The following DIP2C variants were observed in gnomAD, a reference collection of about 807,000 sequenced individuals.
The protein encoded by DIP2C is disco-interacting protein 2 homolog C.
In DIP2C, 33 loss-of-function variants were observed where a neutral mutation model predicts 192.4. That is an observed-to-expected ratio of 0.17 (90% CI 0.13 to 0.23). The LOEUF is 0.23. DIP2C is among the 10% of genes least tolerant of loss of function. The pLI is 1.00. For missense variants in DIP2C, 1,537 were observed against 2,110.1 expected (o/e 0.73, Z 5.32); for synonymous variants, 979 against 864.1 (o/e 1.13, Z -2.33).
At chr10:280,977 T>G (rs1411449972) in intron 36 of DIP2C, among the ~76,000 whole-genome samples, 1 of 152,216 alleles carries the variant, frequency 6.6e-6, no homozygotes, top group African/African-American at 2.4e-5. Flanking sequence ...TTCACGGCAA[T>G]AGAAGTCTAT....
chr10:476,511 G>A (rs1297157217), intron 2 of DIP2C, among the ~76,000 whole-genome samples: 1 of 152,224 alleles, frequency 6.6e-6, no homozygotes, highest in African/African-American at 2.4e-5. Flanking sequence ...CACCAAGCCA[G>A]GACTATTACT....
intron 4 of DIP2C, among the ~76,000 whole-genome samples, chr10:430,049 T>C (rs1966842757): frequency 6.6e-6 from 1 of 152,174 alleles, no homozygotes. Flanking sequence ...TCATAGGCTG[T>C]GGTGTTGCTA....
chr10:482,426 C>T (rs58992694), intron 2 of DIP2C, among the ~76,000 whole-genome samples: 21,551 of 152,082 alleles, frequency 0.14, 3,706 homozygotes, highest in African/African-American at 0.41. Context: ...ACACTGACCA[C>T]GGATACCTCT....
At chr10:553,250 G>A (rs2130954827) in intron 1 of DIP2C, among the ~76,000 whole-genome samples, 1 of 152,298 alleles carries the variant, frequency 6.6e-6, no homozygotes, top group South Asian at 2.1e-4. Flanking sequence ...AGCAGTGCTG[G>A]CTGAATTCAT....
At chr10:455,335 G>GAGTAAATGAGATGAAAACACTGC (rs1969206575) in intron 3 of DIP2C, among the ~76,000 whole-genome samples, 1 of 142,640 alleles carries the variant, frequency 7.0e-6, no homozygotes, top group African/African-American at 2.6e-5. Flanking sequence ...AGACCGTGAG[G>GAGTAAATGAGATGAAAACACTGC]AATAAATGAG....
At chr10:526,996 G>A (rs1847093023) in intron 1 of DIP2C, among the ~76,000 whole-genome samples, 1 of 152,166 alleles carries the variant, frequency 6.6e-6, no homozygotes, top group Non-Finnish European at 1.5e-5. Context: ...TCAGTAGGTG[G>A]AGGCGGACAG....
chr10:543,021 C>G (rs376691555), intron 1 of DIP2C, among the ~76,000 whole-genome samples: 1 of 152,224 alleles, frequency 6.6e-6, no homozygotes, highest in African/African-American at 2.4e-5. Flanking sequence ...TGAGTGATGA[C>G]GATGACACCA....
intron 1 of DIP2C, among the ~76,000 whole-genome samples, chr10:545,322 A>T (rs1848229091): frequency 6.6e-6 from 1 of 151,802 alleles, no homozygotes; most frequent in Admixed American, 6.6e-5. Context: ...ACCTGCCACA[A>T]CGCCCAGGTA....
intron 3 of DIP2C, among the ~76,000 whole-genome samples, chr10:448,475 T>C (rs1460061924): frequency 7.1e-6 from 1 of 141,472 alleles, no homozygotes. Flanking sequence ...TCCCCGTCTA[T>C]ACTCAGGATC....
intron 1 of DIP2C, among the ~76,000 whole-genome samples, chr10:505,218 G>A (rs1283688134): frequency 2.0e-5 from 3 of 151,982 alleles, no homozygotes; most frequent in East Asian, 1.9e-4. Flanking sequence ...ACTAATAACC[G>A]GCACCTCATC....
intron 4 of DIP2C, among the ~76,000 whole-genome samples, chr10:438,446 C>T (rs1967452745): frequency 6.6e-6 from 1 of 152,064 alleles, no homozygotes; most frequent in East Asian, 1.9e-4. Context: ...ATTTTTTTAC[C>T]ATAAGTTTTG....
At chr10:417,350 G>T (rs1965710614) in intron 6 of DIP2C, among the ~76,000 whole-genome samples, 1 of 152,096 alleles carries the variant, frequency 6.6e-6, no homozygotes, top group East Asian at 1.9e-4. Context: ...TTTACCTGGG[G>T]AACAAAGGCA....
intron 1 of DIP2C, among the ~76,000 whole-genome samples, chr10:526,344 A>G (rs1847048846): frequency 6.6e-6 from 1 of 152,336 alleles, no homozygotes; most frequent in South Asian, 2.1e-4. Context: ...ATGTGTGTTT[A>G]GCATATAAAT....
chr10:375,524 G>A (rs1564631774), intron 17 of DIP2C, among the ~76,000 whole-genome samples: 1 of 152,190 alleles, frequency 6.6e-6, no homozygotes, highest in African/African-American at 2.4e-5. Context: ...ACCTTGCAAT[G>A]TGGCCTCACG....
In DIP2C at chr10:666,047, C is replaced by G. The variant is rs1312543660; in HGVS notation, c.85+23447G>C. 1 of 152,168 alleles carries G rather than the reference C, an allele frequency of 6.6e-6. No individual in the cohort carries two copies. The highest frequency in any genetic ancestry group is 1.5e-5 in the Non-Finnish European group (1 of 68,022). 9.4% of individuals were successfully genotyped at this position (152,168 alleles called of 1,614,324 possible). A position where few individuals can be genotyped will look rare whatever the true frequency, so the allele number is the denominator to read the frequency against. The stretch of plus-strand genomic sequence containing the variant: ...CAGGCCGGCAGCACCCTGGAAAGGC[C>G]CAGGTCCCGCAGCTCTCCCTCCACG... On this transcript the variant is annotated intron_variant, in intron 1 of 36. Transcript: ENST00000280886. The surrounding 1 kb of genome is among the most constrained non-coding windows in gnomAD (Gnocchi z 4.1).
At chr10:327,254 T>C (rs1056890400) in intron 30 of DIP2C, 78 bp from the exon 31 acceptor site, 2 of 1,500,482 alleles carry the variant, frequency 1.3e-6, no homozygotes, top group Admixed American at 4.1e-5. Context: ...TTCCCACAGA[T>C]CCCCACGTAA....
At chr10:352,889 C>A (rs1473669085) in intron 24 of DIP2C, among the ~76,000 whole-genome samples, 1 of 152,190 alleles carries the variant, frequency 6.6e-6, no homozygotes, top group Non-Finnish European at 1.5e-5. Flanking sequence ...AATGCAGCCT[C>A]TACCCCAGGA....
chr10:376,169 G>A (rs1206915334), intron 17 of DIP2C, among the ~76,000 whole-genome samples: 3 of 152,192 alleles, frequency 2.0e-5, no homozygotes, highest in Non-Finnish European at 4.4e-5. Flanking sequence ...ATCTACAGAC[G>A]AGGAATCCTC....
intron 22 of DIP2C, among the ~76,000 whole-genome samples, chr10:362,086 G>A (rs910934684): frequency 4.0e-5 from 6 of 151,630 alleles, no homozygotes; most frequent in South Asian, 4.2e-4. Flanking sequence ...AGAAATGGAG[G>A]AGGAATATTT....
Sources: allele counts gnomAD v4.1 joint callset (sites outside exome capture counted in the v4.1 genomes callset), GRCh38; gene constraint gnomAD v4.1.1; non-coding constraint Gnocchi (gnomAD v3.1); transcripts MANE v1.5; gene names NCBI Gene and HGNC (gene_info 2026-07-23, HGNC 2026-07-21).